The following CDH9 variants were observed in gnomAD, a reference collection of about 807,000 sequenced individuals.
The protein encoded by CDH9 is cadherin-9.
Under a neutral mutation model 70.9 loss-of-function variants are expected in CDH9, and 28 were observed. The ratio of observed to expected loss-of-function variants is 0.40; its 90% CI spans 0.29 to 0.54. The LOEUF (loss-of-function observed/expected upper bound fraction) is 0.54, where lower values mean the gene tolerates loss of function less well. Among genes scored for constraint, CDH9 ranks in the 20% least tolerant of loss-of-function variants. The pLI is 0.59. For missense variants in CDH9, 874 were observed against 984.4 expected (o/e 0.89, Z 1.50); for synonymous variants, 409 against 343.1 (o/e 1.19, Z -2.12).
chr5:26,905,149 T>A (rs1040562131), intron 5 of CDH9, among the ~76,000 whole-genome samples: 2 of 152,148 alleles, frequency 1.3e-5, no homozygotes, highest in African/African-American at 4.8e-5. Flanking sequence ...AATTTAAGTT[T>A]CAGCATTTAA....
chr5:26,981,249 T>C (rs904862684), intron 2 of CDH9, among the ~76,000 whole-genome samples: 1 of 152,116 alleles, frequency 6.6e-6, no homozygotes, highest in Admixed American at 6.6e-5. Context: ...TCCCTGCAGA[T>C]ACCAAAATGT....
At chr5:26,940,035 T>C (rs1256783643) in intron 2 of CDH9, among the ~76,000 whole-genome samples, 2 of 151,910 alleles carry the variant, frequency 1.3e-5, no homozygotes, top group Non-Finnish European at 2.9e-5. Context: ...GGTGCATGCC[T>C]GTAATCCCAG....
chr5:26,940,440 A>G (rs1373546322), intron 2 of CDH9, among the ~76,000 whole-genome samples: 3 of 152,146 alleles, frequency 2.0e-5, no homozygotes, highest in South Asian at 2.1e-4. Flanking sequence ...TAAAAACTAG[A>G]TATTTGAAGA....
At chr5:26,888,480 G>A (rs1428421577) in intron 9 of CDH9, among the ~76,000 whole-genome samples, 1 of 150,308 alleles carries the variant, frequency 6.7e-6, no homozygotes, top group Non-Finnish European at 1.5e-5. Flanking sequence ...TGAAAATTAA[G>A]CATCAAATTC....
At chr5:26,952,781 T>TA (rs139958531) in intron 2 of CDH9, among the ~76,000 whole-genome samples, 3,549 of 151,322 alleles carry the variant, frequency 0.023, 142 homozygotes, top group African/African-American at 0.081. Context: ...ACAAATGGTG[T>TA]ATCATGGGAT....
chr5:26,934,538 C>G (rs949762047), intron 2 of CDH9, among the ~76,000 whole-genome samples: 9 of 152,228 alleles, frequency 5.9e-5, no homozygotes, highest in South Asian at 2.1e-4. Context: ...GGGCTTGCCT[C>G]CTTGATCTAA....
chr5:27,015,414 C>T (rs1743031191), intron 1 of CDH9, among the ~76,000 whole-genome samples: 1 of 151,780 alleles, frequency 6.6e-6, no homozygotes, highest in South Asian at 2.1e-4. Context: ...GCATACTTCT[C>T]TGAAGAAACC....
intron 2 of CDH9, among the ~76,000 whole-genome samples, chr5:26,982,857 A>G (rs1742422833): frequency 6.7e-6 from 1 of 149,300 alleles, no homozygotes; most frequent in Admixed American, 6.7e-5. Context: ...TAATATTTGT[A>G]TTTTTTTTTA....
intron 2 of CDH9, among the ~76,000 whole-genome samples, chr5:26,946,923 G>A (rs954700260): frequency 5.9e-5 from 9 of 152,172 alleles, no homozygotes; most frequent in African/African-American, 2.2e-4. Context: ...AACCCTCACT[G>A]TTTAAATTAA....
intron 2 of CDH9, among the ~76,000 whole-genome samples, chr5:26,973,143 T>C (rs1171652832): frequency 6.6e-6 from 1 of 152,154 alleles, no homozygotes; most frequent in Non-Finnish European, 1.5e-5. Context: ...AATACAGGGG[T>C]GAGCCACCAC....
At chr5:26,896,302 A>T (rs192789789) in intron 7 of CDH9, among the ~76,000 whole-genome samples, 1 of 152,038 alleles carries the variant, frequency 6.6e-6, no homozygotes, top group Admixed American at 6.6e-5. Context: ...TTGGGAAATT[A>T]TCAGATACAG....
At chr5:26,885,062 C>A (rs1278692275) in intron 11 of CDH9, among the ~76,000 whole-genome samples, 1 of 152,128 alleles carries the variant, frequency 6.6e-6, no homozygotes, top group African/African-American at 2.4e-5. Context: ...ACAACTTTAA[C>A]ACATTTGCAT....
intron 2 of CDH9, among the ~76,000 whole-genome samples, chr5:26,929,212 C>G (rs1741398101): frequency 6.6e-6 from 1 of 151,978 alleles, no homozygotes; most frequent in Non-Finnish European, 1.5e-5. Flanking sequence ...AGAATAAATG[C>G]AAATGGCAAA....
intron 7 of CDH9, among the ~76,000 whole-genome samples, chr5:26,892,856 G>A (rs1318477561): frequency 6.6e-6 from 1 of 151,732 alleles, no homozygotes; most frequent in Non-Finnish European, 1.5e-5. Context: ...TCAGCCTCCC[G>A]AGTAGCTGGA....
Position 26,890,529 on chromosome 5 carries a change from A to C in CDH9, c.1289T>G (p.Ile430Ser). 4.4e-6 allele frequency: 7 copies of C among 1,607,672 alleles called. No homozygotes were observed. The highest frequency in any genetic ancestry group is 6.0e-6 in the Non-Finnish European group (7 of 1,174,192). The change falls in exon 8 of 12, where the codon ATT becomes AGT. Residue 430 changes from isoleucine to serine, a missense_variant. Ile to Ser is a moderately radical substitution (Grantham distance 142, BLOSUM62 -2). Transcript: ENST00000231021. ...SVDRHTDMDR[I>S]FGIHSENGSI... ...ACCATTTTCTGAGTGAATACCAAAA[A>C]TACGGTCCATATCAGTATGCCGATC...
chr5:27,032,396 ATTAT>A (rs1267725354), intron 1 of CDH9, among the ~76,000 whole-genome samples: 2 of 151,650 alleles, frequency 1.3e-5, no homozygotes, highest in Admixed American at 1.3e-4. Context: ...ATAATAGTTA[ATTAT>A]TTAATTTTTG....
Position 26,953,748 on chromosome 5 carries a change from T to A in CDH9, c.228+34358A>T, listed in dbSNP as rs970167317. 5.9e-5 allele frequency among the ~76,000 whole-genome samples: 9 copies of A among 152,148 alleles called. No homozygotes were observed. In the South Asian group the frequency reaches 1.0e-3, roughly 18 times the overall value. ...GTATCTTAATCTCTTCTTCTAACATTTAAGTGCAAGCCACCACTGTTGACC... is the reference window on the plus strand; with the variant it reads ...GTATCTTAATCTCTTCTTCTAACATATAAGTGCAAGCCACCACTGTTGACC... On this transcript the variant is annotated intron_variant, in intron 2 of 11. Transcript: ENST00000231021.
At chr5:26,995,114 C>A (rs150603534) in intron 1 of CDH9, among the ~76,000 whole-genome samples, 6 of 152,240 alleles carry the variant, frequency 3.9e-5, no homozygotes, top group Non-Finnish European at 7.4e-5. Context: ...AAATGTAACA[C>A]ATATAGTGGT....
chr5:26,989,921 AGTAATAGTC>A (rs1211958827), intron 1 of CDH9, among the ~76,000 whole-genome samples: 1 of 152,160 alleles, frequency 6.6e-6, no homozygotes, highest in African/African-American at 2.4e-5. Context: ...ATCAATACAA[AGTAATAGTC>A]GTGTACATTG....
Sources: allele counts gnomAD v4.1 joint callset (sites outside exome capture counted in the v4.1 genomes callset), GRCh38; gene constraint gnomAD v4.1.1; transcripts MANE v1.5; gene names NCBI Gene and HGNC (gene_info 2026-07-23, HGNC 2026-07-21).